Variants in NOL4 observed in about 807,000 individuals in gnomAD.
NOL4 encodes the protein nucleolar protein 4.
In NOL4, 17 loss-of-function variants were observed where a neutral mutation model predicts 75.9. The ratio of observed to expected loss-of-function variants is 0.22; its 90% CI spans 0.15 to 0.34. The LOEUF (loss-of-function observed/expected upper bound fraction) is 0.34, where lower values mean the gene tolerates loss of function less well. NOL4 is among the 10% of genes least tolerant of loss of function. The pLI is 1.00. For synonymous variants in NOL4, 292 were observed against 289.9 expected, an observed-to-expected ratio of 1.01 and a Z score of -0.07; for missense variants, 614 against 793.5, an observed-to-expected ratio of 0.77 and a Z score of 2.72.
chr18:33,894,992 AT>A (rs2065313522), intron 9 of NOL4, among the ~76,000 whole-genome samples: 1 of 152,128 alleles, frequency 6.6e-6, no homozygotes, highest in Admixed American at 6.6e-5. Flanking sequence ...ACCATAAAAA[AT>A]GATAGGTAAA....
chr18:33,883,158 T>G, intron 10 of NOL4, 86 bp downstream of exon 10: 1 of 992,730 alleles, frequency 1.0e-6, no homozygotes, highest in Non-Finnish European at 1.5e-6. Context: ...TATACATATG[T>G]AACTAACCTG....
intron 3 of NOL4, 118 bp downstream of exon 3, chr18:34,104,931 T>C (rs2079199956): frequency 3.4e-6 from 2 of 588,678 alleles, no homozygotes; most frequent in Non-Finnish European, 6.0e-6. Flanking sequence ...CTTGAATAAA[T>C]GAGATGATCT....
chr18:34,134,345 T>C (rs1271600858), intron 1 of NOL4, among the ~76,000 whole-genome samples: 1 of 151,602 alleles, frequency 6.6e-6, no homozygotes, highest in Non-Finnish European at 1.5e-5. Context: ...AATTTAAAAA[T>C]ATAATTAAAA....
intron 1 of NOL4, among the ~76,000 whole-genome samples, chr18:34,218,969 C>G (rs952722075): frequency 2.0e-5 from 3 of 152,124 alleles, no homozygotes; most frequent in African/African-American, 7.2e-5. Flanking sequence ...ATGACCAAAA[C>G]CACAGTCAGA....
At chr18:34,023,711 A>C (rs1370592858) in intron 5 of NOL4, 2 of 269,732 alleles carry the variant, frequency 7.4e-6, no homozygotes, top group Non-Finnish European at 7.8e-6. Flanking sequence ...TAGTGACATC[A>C]GGAGGGCAGT....
intron 9 of NOL4, among the ~76,000 whole-genome samples, chr18:33,894,970 T>C (rs2065311861): frequency 6.6e-6 from 1 of 152,126 alleles, no homozygotes; most frequent in African/African-American, 2.4e-5. Flanking sequence ...GAGAGTGAAT[T>C]TCAAATGTCT....
At chr18:33,970,995 G>A (rs763020670) in intron 6 of NOL4, among the ~76,000 whole-genome samples, 1 of 152,112 alleles carries the variant, frequency 6.6e-6, no homozygotes, top group Non-Finnish European at 1.5e-5. Context: ...AAGGTGGTGT[G>A]CTTATTCAAT....
chr18:33,873,031 C>T (rs1379896356), intron 10 of NOL4, among the ~76,000 whole-genome samples: 3 of 151,840 alleles, frequency 2.0e-5, no homozygotes, highest in Non-Finnish European at 4.4e-5. Flanking sequence ...TTTCATTGGA[C>T]CTCCTTGGAT....
intron 9 of NOL4, among the ~76,000 whole-genome samples, chr18:33,915,939 T>G (rs2145200934): frequency 1.3e-5 from 2 of 152,200 alleles, no homozygotes; most frequent in South Asian, 4.1e-4. Context: ...AAGATAAAAT[T>G]TATTCCCAAA....
intron 5 of NOL4, among the ~76,000 whole-genome samples, chr18:34,039,163 G>A (rs1036687784): frequency 8.6e-5 from 13 of 151,740 alleles, no homozygotes; most frequent in South Asian, 2.1e-4. Flanking sequence ...CTTTTCCCTC[G>A]TCTTATTGTC....
intron 9 of NOL4, among the ~76,000 whole-genome samples, chr18:33,925,294 T>C (rs578233474): frequency 1.8e-4 from 27 of 152,290 alleles, no homozygotes; most frequent in Middle Eastern, 3.4e-3. Context: ...TCAACAAATT[T>C]TGTAGCTAGA....
chr18:34,075,251 T>A (rs2077694051), intron 5 of NOL4, among the ~76,000 whole-genome samples: 1 of 152,204 alleles, frequency 6.6e-6, no homozygotes, highest in South Asian at 2.1e-4. Flanking sequence ...ATGTTTCATA[T>A]ACACCTTGTA....
chr18:34,112,032 C>A (rs183092750), intron 2 of NOL4, among the ~76,000 whole-genome samples: 1 of 152,094 alleles, frequency 6.6e-6, no homozygotes, highest in African/African-American at 2.4e-5. Flanking sequence ...GAGATATCTG[C>A]ACTCCTATGT....
At chr18:34,156,837 G>A (rs2030494007) in intron 1 of NOL4, 1 of 152,180 alleles carries the variant, frequency 6.6e-6, no homozygotes, top group Non-Finnish European at 1.5e-5. Flanking sequence ...ATGGCTTCCT[G>A]CTGCACATAG....
At chr18:33,994,421 T>C (rs1014180359) in intron 6 of NOL4, among the ~76,000 whole-genome samples, 3 of 151,992 alleles carry the variant, frequency 2.0e-5, no homozygotes, top group African/African-American at 7.2e-5. Context: ...ATAAAGCCAA[T>C]CTTCATGAAT....
At chr18:33,856,508 C>T (rs2062843245) in intron 10 of NOL4, among the ~76,000 whole-genome samples, 1 of 151,998 alleles carries the variant, frequency 6.6e-6, no homozygotes. Flanking sequence ...TACCATGAGT[C>T]CTGAGTTGAA....
At chr18:34,057,081 G>A (rs1378157358) in intron 5 of NOL4, among the ~76,000 whole-genome samples, 1 of 152,096 alleles carries the variant, frequency 6.6e-6, no homozygotes, top group Non-Finnish European at 1.5e-5. Flanking sequence ...AATGAACCCT[G>A]ACATGTCCCT....
intron 5 of NOL4, among the ~76,000 whole-genome samples, chr18:34,043,635 A>G (rs975219348): frequency 1.3e-5 from 2 of 152,070 alleles, no homozygotes; most frequent in African/African-American, 4.8e-5. Flanking sequence ...TCTTAGCATC[A>G]GTTTCCTCAC....
At chr18:33,901,584 G>T (rs1034648833) in intron 9 of NOL4, among the ~76,000 whole-genome samples, 1 of 152,066 alleles carries the variant, frequency 6.6e-6, no homozygotes, top group Non-Finnish European at 1.5e-5. Context: ...TTTCAATTAA[G>T]AAAGGATTTT....
Sources: allele counts gnomAD v4.1 joint callset (sites outside exome capture counted in the v4.1 genomes callset), GRCh38; gene constraint gnomAD v4.1.1; transcripts MANE v1.5; gene names NCBI Gene and HGNC (gene_info 2026-07-23, HGNC 2026-07-21).